The following KBTBD12 variants were observed in gnomAD, a reference collection of about 807,000 sequenced individuals.
The protein encoded by KBTBD12 is kelch repeat and BTB domain containing 12, also known as kelch repeat and BTB domain-containing protein 12.
KBTBD12 carries 53 observed loss-of-function variants against 58.7 expected under a neutral mutation model. The observed-to-expected ratio is 0.90, with a 90% CI of 0.72 to 1.14. The LOEUF (loss-of-function observed/expected upper bound fraction) is 1.14, where lower values mean the gene tolerates loss of function less well. Among genes scored for constraint, KBTBD12 ranks in the 50% most tolerant of loss-of-function variants. The probability of loss-of-function intolerance (pLI) is 0.00; values close to 1 mark genes in which losing one functional copy is unlikely to be tolerated. For missense variants in KBTBD12, 704 were observed against 751.3 expected, an observed-to-expected ratio of 0.94 and a Z score of 0.74; for synonymous variants, 236 against 259.8, an observed-to-expected ratio of 0.91 and a Z score of 0.88.
intron 1 of KBTBD12, among the ~76,000 whole-genome samples, chr3:127,916,006 T>C (rs1198642116): frequency 6.6e-6 from 1 of 152,250 alleles, no homozygotes; most frequent in East Asian, 1.9e-4. Context: ...ACCCTGAATG[T>C]ATCCCTGAGC....
At chr3:127,916,576 G>T (rs1018264140) in intron 1 of KBTBD12, among the ~76,000 whole-genome samples, 3 of 152,038 alleles carry the variant, frequency 2.0e-5, no homozygotes, top group Admixed American at 6.6e-5. Flanking sequence ...GGGTACTCAG[G>T]TCCTGCACAT....
chr3:127,915,808 C>T (rs1205082214), intron 1 of KBTBD12, among the ~76,000 whole-genome samples: 1 of 152,226 alleles, frequency 6.6e-6, no homozygotes, highest in Non-Finnish European at 1.5e-5. Context: ...CCTTCACCGT[C>T]GGGTTGTTCA....
chr3:127,961,663 C>T (rs939101438), intron 4 of KBTBD12, among the ~76,000 whole-genome samples: 1 of 152,174 alleles, frequency 6.6e-6, no homozygotes, highest in African/African-American at 2.4e-5. Flanking sequence ...TGGCCTTTGG[C>T]CCCAGTAGCA....
At chr3:127,916,315 G>A (rs1335830688) in intron 1 of KBTBD12, among the ~76,000 whole-genome samples, 1 of 152,160 alleles carries the variant, frequency 6.6e-6, no homozygotes, top group Non-Finnish European at 1.5e-5. Flanking sequence ...AGGGTGGTGC[G>A]TGTGTTCTCA....
At chr3:127,918,187 C>T (rs530743206) in intron 1 of KBTBD12, among the ~76,000 whole-genome samples, 3 of 152,116 alleles carry the variant, frequency 2.0e-5, no homozygotes, top group Non-Finnish European at 2.9e-5. Flanking sequence ...ACAGAAGTGA[C>T]GAAGACAAGT....
chr3:127,923,409 C>A lies in KBTBD12; in HGVS notation c.348C>A (p.Val116=), dbSNP rs768866333. 5.0e-6 allele frequency: 8 copies of A among 1,613,082 alleles called. No homozygotes were observed. The East Asian group carries it at 1.3e-4, about 27-fold the overall frequency. Residue 116 remains valine, a synonymous_variant, in exon 2 of 6, where the codon GTC becomes GTA. Transcript: ENST00000405109. ...CCTATTTTATGCAGATGGAAGAAGT[C>A]TTCAGTGTGTGTCAAAAATATATGA... ...MAAYFMQMEE[V]FSVCQKYMMD...
intron 4 of KBTBD12, among the ~76,000 whole-genome samples, chr3:127,946,332 C>T (rs1326914646): frequency 6.6e-6 from 1 of 151,992 alleles, no homozygotes; most frequent in Non-Finnish European, 1.5e-5. Flanking sequence ...GTAATTAATT[C>T]TCTTGGCTTT....
intron 3 of KBTBD12, among the ~76,000 whole-genome samples, chr3:127,928,916 T>G (rs562517443): frequency 2.4e-4 from 36 of 152,218 alleles, no homozygotes; most frequent in Non-Finnish European, 4.6e-4. Context: ...AACTTAAACC[T>G]CACATGTAAC....
intron 1 of KBTBD12, among the ~76,000 whole-genome samples, chr3:127,919,132 T>G (rs887317755): frequency 6.6e-6 from 1 of 152,192 alleles, no homozygotes; most frequent in Non-Finnish European, 1.5e-5. Flanking sequence ...CTTCAGTCTT[T>G]CCTCGATAAA....
At chr3:127,959,914 A>G (rs1328674538) in intron 4 of KBTBD12, among the ~76,000 whole-genome samples, 4 of 152,264 alleles carry the variant, frequency 2.6e-5, no homozygotes, top group Non-Finnish European at 5.9e-5. Context: ...CAAAGTCCAC[A>G]TGCTTTTTCC....
intron 4 of KBTBD12, among the ~76,000 whole-genome samples, chr3:127,960,449 T>C (rs1397920957): frequency 6.6e-6 from 1 of 152,234 alleles, no homozygotes; most frequent in Non-Finnish European, 1.5e-5. Context: ...TGTCTGTTTT[T>C]GAATAAAGAA....
In KBTBD12 at chr3:127,984,081, C is replaced by A; in HGVS notation, c.1691-16C>A. 3 of 1,608,558 alleles carry A rather than the reference C, an allele frequency of 1.9e-6. No individual in the cohort carries two copies. Among genetic ancestry groups the A allele is most frequent in the Non-Finnish European group, 2.5e-6 (3 of 1,176,846 alleles). On this transcript the variant is annotated splice_polypyrimidine_tract_variant and intron_variant, in intron 5 of 5. Transcript: ENST00000405109. ...CCCACATGAGATTTTTGTCTTCCCA[C>A]TTTGCTGTTTTTCAGATCGCCATGA...
intron 4 of KBTBD12, among the ~76,000 whole-genome samples, chr3:127,930,950 A>T (rs1275401609): frequency 6.6e-6 from 1 of 152,094 alleles, no homozygotes; most frequent in East Asian, 1.9e-4. Context: ...AGCTCTTTTA[A>T]GTACATTCCA....
At chr3:127,918,842 GTT>G (rs1939326359) in intron 1 of KBTBD12, among the ~76,000 whole-genome samples, 1 of 152,216 alleles carries the variant, frequency 6.6e-6, no homozygotes, top group Non-Finnish European at 1.5e-5. Flanking sequence ...AGGCAGGAAA[GTT>G]TGGGAGGCGC....
At position 127,977,297 on chromosome 3, in the gene KBTBD12, C is replaced by T. The variant is rs1263360601; in HGVS notation, c.1691-6800C>T. Among the ~76,000 whole-genome samples, 4 of 152,266 alleles carry T rather than the reference C, an allele frequency of 2.6e-5. No homozygotes were observed. In the East Asian group the frequency reaches 7.7e-4, roughly 29 times the overall value. On this transcript the variant is annotated intron_variant, in intron 5 of 5. Transcript: ENST00000405109. ...TGTGAATAGTTCTGCAGTGATAATA[C>T]ACATGCATGTGTCTTTATGGTAGAA... is the stretch of plus-strand genomic sequence containing the variant.
chr3:127,973,018 T>G (rs902570627), intron 5 of KBTBD12, among the ~76,000 whole-genome samples: 2 of 152,118 alleles, frequency 1.3e-5, no homozygotes, highest in Admixed American at 6.5e-5. Context: ...ACAGACTAAT[T>G]ACAACATGAA....
Position 127,969,250 on chromosome 3 carries a change from C to T in KBTBD12, c.1690+5864C>T, listed in dbSNP as rs79058530. 6.5e-3 allele frequency among the ~76,000 whole-genome samples: 992 copies of T among 151,870 alleles called. 10 individuals carry two copies. The highest frequency in any genetic ancestry group is 0.022 in the African/African-American group (897 of 41,388). Reference sequence around the variant, plus strand: ...CAAGGGTGCAGGACATAAGACCATACGCCAAAAAATTGTATTTCTATACAC... The same window carrying T: ...CAAGGGTGCAGGACATAAGACCATATGCCAAAAAATTGTATTTCTATACAC... On this transcript the variant is annotated intron_variant, in intron 5 of 5. Transcript: ENST00000405109.
At chr3:127,958,400 C>A (rs1940362793) in intron 4 of KBTBD12, among the ~76,000 whole-genome samples, 1 of 152,166 alleles carries the variant, frequency 6.6e-6, no homozygotes, top group South Asian at 2.1e-4. Context: ...AGGCTTTAGA[C>A]CTGCTGGGAC....
chr3:127,924,055 A>C lies in KBTBD12; in HGVS notation c.994A>C (p.Asn332His). The change falls in exon 2 of 6, where the codon AAT (asparagine) becomes CAT (histidine). Residue 332 changes from asparagine (N) to histidine (H), a missense_variant. Asn to His is a moderately conservative substitution (Grantham distance 68). Transcript: ENST00000405109. The part of the protein sequence containing the change: ...TVCTGVVMEN[N>H]TIIVAGEASA... ...GTGTACTGGTGTTGTCATGGAAAAT[A>C]ATACTATAATTGTGGCTGGAGAAGC... The C allele has an allele frequency of 1.2e-6, 2 of 1,613,794 alleles. No homozygotes were observed. Among genetic ancestry groups the C allele is most frequent in the Non-Finnish European group, 1.7e-6 (2 of 1,179,728 alleles).
Sources: gnomAD v4.1 joint callset for allele counts (sites outside exome capture counted in the v4.1 genomes callset) on GRCh38, gnomAD v4.1.1 for gene constraint, MANE v1.5 for transcripts, NCBI Gene and HGNC (gene_info 2026-07-23, HGNC 2026-07-21) for gene names.